ACOT12: variants seen among roughly 807,000 people sequenced by gnomAD.
ACOT12 encodes the protein acyl-CoA thioesterase 12, also known as acetyl-coenzyme A thioesterase.
Under a neutral mutation model 67.7 loss-of-function variants are expected in ACOT12, and 51 were observed. The ratio of observed to expected loss-of-function variants is 0.75; its 90% CI spans 0.60 to 0.95. The LOEUF is 0.95. Among genes scored for constraint, ACOT12 ranks in the 40% least tolerant of loss-of-function variants. The pLI is 0.00. For synonymous variants in ACOT12, 251 were observed against 244.6 expected, an observed-to-expected ratio of 1.03 and a Z score of -0.24; for missense variants, 734 against 708.1, an observed-to-expected ratio of 1.04 and a Z score of -0.41.
intron 3 of ACOT12, among the ~76,000 whole-genome samples, chr5:81,364,694 T>C (rs1201665058): frequency 6.6e-6 from 1 of 152,184 alleles, no homozygotes; most frequent in Non-Finnish European, 1.5e-5. Flanking sequence ...CCCAAAGTGC[T>C]GGGATTACAG....
intron 5 of ACOT12, among the ~76,000 whole-genome samples, 166 bp from the exon 6 acceptor site, chr5:81,348,096 T>C (rs551770898): frequency 1.3e-5 from 2 of 152,238 alleles, no homozygotes; most frequent in Non-Finnish European, 2.9e-5. Context: ...GTGACTCTTA[T>C]CTTAATGGTG....
intron 2 of ACOT12, among the ~76,000 whole-genome samples, chr5:81,373,756 G>A (rs1447588657): frequency 6.6e-6 from 1 of 152,174 alleles, no homozygotes; most frequent in Non-Finnish European, 1.5e-5. Flanking sequence ...CCACCAGGAA[G>A]TTCAAAGTGA....
At chr5:81,320,864 GA>G in the ACOT12 span, among the ~76,000 whole-genome samples, 1 of 152,136 alleles carries the variant, frequency 6.6e-6, no homozygotes, top group Non-Finnish European at 1.5e-5. Context: ...ATAAACAACA[GA>G]AATTTTTATT....
At chr5:81,348,351 A>G (rs532404939) in intron 5 of ACOT12, among the ~76,000 whole-genome samples, 21 of 152,294 alleles carry the variant, frequency 1.4e-4, no homozygotes, top group African/African-American at 4.8e-4. Flanking sequence ...AAACTTATCA[A>G]ATTATATGCT....
At chr5:81,366,544 A>G (rs1760083191) in intron 3 of ACOT12, among the ~76,000 whole-genome samples, 2 of 152,162 alleles carry the variant, frequency 1.3e-5, no homozygotes, top group Non-Finnish European at 2.9e-5. Context: ...CCACTACTCA[A>G]CTCTGTCAAT....
rs1420816413 is a variant in ACOT12, at chr5:81,345,886, A to G, written c.772T>C (p.Cys258Arg). The G allele has an allele frequency of 1.9e-6, 3 of 1,613,688 alleles. No homozygotes were observed. Among genetic ancestry groups the G allele is most frequent in the Non-Finnish European group, 2.5e-6 (3 of 1,179,696 alleles). Residue 258 changes from cysteine to arginine, a missense_variant and splice_region_variant, in exon 7 of 15, where the codon TGT becomes CGT. Coordinates refer to ENST00000307624, the MANE Select transcript of ACOT12 (RefSeq NM_130767.3). The part of the protein sequence containing the change: ...TAIVNNTFQT[C>R]VEVGVRVEAF... ...TAGCAGCCTAAGGGCTCACTTTACCAGGTCTGAAATGTATTGTTGACAATG... is the reference window on the plus strand; with the variant it reads ...TAGCAGCCTAAGGGCTCACTTTACCGGGTCTGAAATGTATTGTTGACAATG...
chr5:81,371,294 C>T (rs1447859768), intron 3 of ACOT12, among the ~76,000 whole-genome samples: 1 of 152,014 alleles, frequency 6.6e-6, no homozygotes. Flanking sequence ...GCTATGTCAC[C>T]CAGGCTGGAA....
downstream of ACOT12, among the ~76,000 whole-genome samples, chr5:81,327,965 T>C (rs1758713807): frequency 6.6e-6 from 1 of 152,150 alleles, no homozygotes; most frequent in African/African-American, 2.4e-5. Flanking sequence ...AGCAAACGCG[T>C]TTGCTTAAAG....
downstream of ACOT12, among the ~76,000 whole-genome samples, chr5:81,327,446 CT>C (rs1322845210): frequency 2.0e-5 from 3 of 150,878 alleles, no homozygotes; most frequent in Admixed American, 6.6e-5. Flanking sequence ...AATGAGCTTC[CT>C]TTTTTTTTGT....
At chr5:81,316,168 T>G in the ACOT12 span, among the ~76,000 whole-genome samples, 3 of 152,318 alleles carry the variant, frequency 2.0e-5, no homozygotes, top group South Asian at 4.2e-4. Flanking sequence ...GAGATATAAT[T>G]CACATACGAT....
intron 3 of ACOT12, among the ~76,000 whole-genome samples, chr5:81,369,536 C>G (rs541586786): frequency 4.7e-4 from 72 of 152,200 alleles, no homozygotes; most frequent in African/African-American, 1.7e-3. Context: ...GAAAGTATGA[C>G]AAAATTTAGA....
intron 9 of ACOT12, 135 bp from the exon 10 acceptor site, chr5:81,344,016 A>G: frequency 8.4e-7 from 1 of 1,195,092 alleles, no homozygotes; most frequent in Non-Finnish European, 1.2e-6. Flanking sequence ...TATTTCCATA[A>G]GTCAGTAGTC....
Position 81,383,671 on chromosome 5 carries a change from C to G in ACOT12, c.197+2086G>C, listed in dbSNP as rs189241034. The stretch of plus-strand genomic sequence containing the variant: ...GAACAGTGATACTGGTGATCCTGAC[C>G]CTGTGTAGGCCTAAGGTAATGTATG... On this transcript the variant is annotated intron_variant, in intron 2 of 14. Coordinates refer to ENST00000307624, the MANE Select transcript of ACOT12 (RefSeq NM_130767.3). Among the ~76,000 whole-genome samples, 5 of 151,334 alleles carry G rather than the reference C, an allele frequency of 3.3e-5. No homozygotes were observed. The East Asian group carries it at 9.7e-4, about 29-fold the overall frequency.
At chr5:81,375,217 C>T (rs972756753) in intron 2 of ACOT12, among the ~76,000 whole-genome samples, 5 of 152,156 alleles carry the variant, frequency 3.3e-5, no homozygotes, top group Admixed American at 6.5e-5. Context: ...ATTTTCAACC[C>T]GGAATTTCAT....
chr5:81,313,805 A>G, the ACOT12 span, among the ~76,000 whole-genome samples: 2 of 152,352 alleles, frequency 1.3e-5, no homozygotes, highest in East Asian at 1.9e-4. Flanking sequence ...TTCTAGTCTT[A>G]ATAGGAGCTG....
the ACOT12 span, chr5:81,312,660 T>C: frequency 6.2e-7 from 1 of 1,604,768 alleles, no homozygotes; most frequent in East Asian, 2.2e-5. Flanking sequence ...TGTTAATTTT[T>C]GATAACAGCT....
At chr5:81,366,913 CA>C (rs2153855542) in intron 3 of ACOT12, among the ~76,000 whole-genome samples, 1 of 152,122 alleles carries the variant, frequency 6.6e-6, no homozygotes, top group Non-Finnish European at 1.5e-5. Flanking sequence ...GGAACACTAA[CA>C]AGAAGTCTAA....
chr5:81,313,139 C>T, the ACOT12 span: 2 of 152,080 alleles, frequency 1.3e-5, no homozygotes, highest in South Asian at 2.1e-4. Context: ...TTCTATTAAG[C>T]AATAGAAATA....
At chr5:81,325,576 G>A (rs763635372), downstream of ACOT12, among the ~76,000 whole-genome samples, 4 of 152,152 alleles carry the variant, frequency 2.6e-5, no homozygotes, top group East Asian at 5.8e-4. Flanking sequence ...CATGTAAAGC[G>A]GGAATGAGTT....
Sources: gnomAD v4.1 joint callset for allele counts (sites outside exome capture counted in the v4.1 genomes callset) on GRCh38, gnomAD v4.1.1 for gene constraint, MANE v1.5 for transcripts, NCBI Gene and HGNC (gene_info 2026-07-23, HGNC 2026-07-21) for gene names.